The following NRXN3 variants were observed in gnomAD, a reference collection of about 807,000 sequenced individuals.
NRXN3 encodes the protein neurexin III.
Under a neutral mutation model 137.6 loss-of-function variants are expected in NRXN3, and 32 were observed. The observed-to-expected ratio is 0.23, with a 90% CI of 0.18 to 0.31. NRXN3 has a LOEUF of 0.31. Among genes scored for constraint, NRXN3 ranks in the 10% least tolerant of loss-of-function variants. NRXN3 has a pLI of 1.00. For synonymous variants in NRXN3, 798 were observed against 784.5 expected (o/e 1.02, Z -0.29); for missense variants, 1,574 against 2,062.5 (o/e 0.76, Z 4.59).
intron 10 of NRXN3, among the ~76,000 whole-genome samples, chr14:78,936,449 A>G (rs1349959964): frequency 6.6e-6 from 1 of 152,232 alleles, no homozygotes; most frequent in African/African-American, 2.4e-5. Flanking sequence ...TACATATTGT[A>G]TGGTTACATT....
chr14:78,589,652 G>C (rs1164771953), intron 4 of NRXN3, among the ~76,000 whole-genome samples: 1 of 152,156 alleles, frequency 6.6e-6, no homozygotes, highest in African/African-American at 2.4e-5. Context: ...TCCTCAGCTG[G>C]ATTGTCTGCA....
intron 15 of NRXN3, among the ~76,000 whole-genome samples, chr14:79,372,962 T>G (rs1193988801): frequency 6.6e-6 from 1 of 152,126 alleles, no homozygotes; most frequent in Non-Finnish European, 1.5e-5. Flanking sequence ...ATATCACCCC[T>G]GACAAATATA....
intron 16 of NRXN3, among the ~76,000 whole-genome samples, chr14:79,579,351 T>TATATATATATATATAATATATATTTC (rs555428285): frequency 1.4e-5 from 1 of 69,250 alleles, no homozygotes; most frequent in East Asian, 4.6e-4. Flanking sequence ...ATATATTTCA[T>TATATATATATATATAATATATATTTC]ATATATATAT....
chr14:78,734,014 C>T (rs944559535), intron 8 of NRXN3, among the ~76,000 whole-genome samples: 2 of 152,064 alleles, frequency 1.3e-5, no homozygotes, highest in Admixed American at 1.3e-4. Context: ...CTGTAGATGG[C>T]AGAGGAGGGG....
At chr14:78,364,673 C>T (rs925817021) in intron 4 of NRXN3, among the ~76,000 whole-genome samples, 10 of 152,130 alleles carry the variant, frequency 6.6e-5, no homozygotes, top group East Asian at 1.9e-4. Flanking sequence ...GCACTCGTCA[C>T]GTTTTAGTTG....
chr14:79,255,880 G>A (rs1383704089), intron 15 of NRXN3, among the ~76,000 whole-genome samples: 1 of 152,164 alleles, frequency 6.6e-6, no homozygotes, highest in Non-Finnish European at 1.5e-5. Context: ...GGGAAAGAAG[G>A]TGATTTTGCC....
chr14:78,943,883 AATCTG>A (rs1237768236), intron 10 of NRXN3, among the ~76,000 whole-genome samples: 4 of 151,538 alleles, frequency 2.6e-5, no homozygotes, highest in Non-Finnish European at 5.9e-5. Flanking sequence ...AGGTGCCTCC[AATCTG>A]GTTGGGGATA....
At chr14:78,875,136 A>G (rs1209060888) in intron 10 of NRXN3, among the ~76,000 whole-genome samples, 1 of 152,210 alleles carries the variant, frequency 6.6e-6, no homozygotes, top group Non-Finnish European at 1.5e-5. Flanking sequence ...CGTTTTGCTG[A>G]ACAGTTTAAT....
chr14:78,498,157 G>A lies in NRXN3; in HGVS notation c.758-146963G>A, dbSNP rs548259434. Reference sequence around the variant, plus strand: ...CCTGTATATATTTCATGGAATGGGTGCAACTCCCTGCCCTTGAAAAGTGTT... The same window carrying A: ...CCTGTATATATTTCATGGAATGGGTACAACTCCCTGCCCTTGAAAAGTGTT... On this transcript the variant is annotated intron_variant, in intron 4 of 20. Transcript: ENST00000335750. 4.6e-5 allele frequency among the ~76,000 whole-genome samples: 7 copies of A among 152,280 alleles called. No homozygotes were observed. In the South Asian group the frequency reaches 1.2e-3, roughly 27 times the overall value.
At chr14:78,263,889 G>A (rs943519770) in intron 2 of NRXN3, among the ~76,000 whole-genome samples, 1 of 144,952 alleles carries the variant, frequency 6.9e-6, no homozygotes, top group Non-Finnish European at 1.5e-5. Context: ...GTGTGTGTGT[G>A]TGTGTGTGTG....
At chr14:79,836,893 A>G (rs1603618353) in intron 20 of NRXN3, among the ~76,000 whole-genome samples, 1 of 152,214 alleles carries the variant, frequency 6.6e-6, no homozygotes, top group East Asian at 1.9e-4. Context: ...TTCATACGGG[A>G]CCCTCACAGT....
chr14:78,531,188 A>G (rs546066756), intron 4 of NRXN3, among the ~76,000 whole-genome samples: 15 of 152,174 alleles, frequency 9.9e-5, no homozygotes, highest in Non-Finnish European at 2.1e-4. Context: ...GAGGAAGCTT[A>G]GGACAGGAGC....
chr14:79,165,673 A>G (rs1478743522), intron 15 of NRXN3, among the ~76,000 whole-genome samples: 1 of 152,004 alleles, frequency 6.6e-6, no homozygotes, highest in Non-Finnish European at 1.5e-5. Context: ...TTCCCAGTGC[A>G]GTCATTAGAC....
At chr14:79,178,377 C>A (rs1306185404) in intron 15 of NRXN3, among the ~76,000 whole-genome samples, 2 of 151,948 alleles carry the variant, frequency 1.3e-5, no homozygotes, top group Non-Finnish European at 2.9e-5. Context: ...TTTAAAATAC[C>A]ATTTTATTAG....
At chr14:78,951,931 C>G (rs2099387926) in intron 10 of NRXN3, among the ~76,000 whole-genome samples, 1 of 152,134 alleles carries the variant, frequency 6.6e-6, no homozygotes, top group Non-Finnish European at 1.5e-5. Flanking sequence ...TTATATGTGG[C>G]AGTCTCAATG....
chr14:79,837,276 GCTTAC>G (rs1393676454), intron 20 of NRXN3, among the ~76,000 whole-genome samples: 3 of 129,392 alleles, frequency 2.3e-5, no homozygotes, highest in Non-Finnish European at 4.9e-5. Context: ...TGGCCATAGC[GCTTAC>G]CTTAAGTCAT....
chr14:79,811,621 G>A (rs1003422951), intron 20 of NRXN3, among the ~76,000 whole-genome samples: 4 of 126,408 alleles, frequency 3.2e-5, no homozygotes, highest in African/African-American at 6.1e-5. Flanking sequence ...TCACTCTGTC[G>A]CCCAGGCTGG....
chr14:79,462,201 C>T (rs1177107908), intron 15 of NRXN3, among the ~76,000 whole-genome samples: 3 of 151,540 alleles, frequency 2.0e-5, no homozygotes, highest in Non-Finnish European at 2.9e-5. Context: ...TGGTGAAACC[C>T]CGTCTCTACT....
At chr14:79,663,072 G>T (rs1251506633) in intron 16 of NRXN3, among the ~76,000 whole-genome samples, 1 of 152,050 alleles carries the variant, frequency 6.6e-6, no homozygotes, top group Non-Finnish European at 1.5e-5. Flanking sequence ...CATAAGCTCT[G>T]GTCTTGAATA....
Sources: gnomAD v4.1 joint callset for allele counts (sites outside exome capture counted in the v4.1 genomes callset) on GRCh38, gnomAD v4.1.1 for gene constraint, MANE v1.5 for transcripts, NCBI Gene and HGNC (gene_info 2026-07-23, HGNC 2026-07-21) for gene names.